FYB1: variants seen among roughly 807,000 people sequenced by gnomAD.
FYB1 encodes the protein FYN-binding protein 1.
A neutral mutation model predicts 94.1 loss-of-function variants in FYB1; 41 were observed. The observed-to-expected ratio is 0.44, with a 90% CI of 0.34 to 0.57. The LOEUF is 0.57. Among genes scored for constraint, FYB1 ranks in the 20% least tolerant of loss-of-function variants. The probability of loss-of-function intolerance (pLI) is 0.02; values close to 1 mark genes in which losing one functional copy is unlikely to be tolerated. For missense variants in FYB1, 1,050 were observed against 976.8 expected (o/e 1.07, Z -1.00); for synonymous variants, 367 against 353.2 (o/e 1.04, Z -0.44).
chr5:39,174,381 C>T (rs1039754961), intron 2 of FYB1, among the ~76,000 whole-genome samples: 4 of 151,994 alleles, frequency 2.6e-5, no homozygotes, highest in Non-Finnish European at 5.9e-5. Flanking sequence ...ACCATAAAAC[C>T]CTAGGACTGA....
In FYB1 at chr5:39,143,893, G is replaced by T. The variant is rs1390874577; in HGVS notation, c.1293-2752C>A. Among the ~76,000 whole-genome samples the T allele has an allele frequency of 2.0e-5, 3 of 152,152 alleles. No homozygotes were observed. The East Asian group carries it at 5.8e-4, about 29-fold the overall frequency. On this transcript the variant is annotated intron_variant, in intron 3 of 18. Transcript: ENST00000512982. ...TTATATATGCTTAGCTTTCTATTTG[G>T]GTAAGTGTAAAGGCCCTGTTAATTA...
rs10652993 is a variant in FYB1, at chr5:39,115,098, AT to A, written c.2401+3775del. 4.3e-3 allele frequency among the ~76,000 whole-genome samples: 616 copies of A among 144,212 alleles called. 3 individuals carry two copies. The highest frequency in any genetic ancestry group is 0.013 in the African/African-American group (526 of 39,044). The allele number at this position is 144,212 out of a possible 152,430, so 94.6% of individuals were successfully genotyped here. A position where few individuals can be genotyped will look rare whatever the true frequency, so the allele number is the denominator to read the frequency against. ...GTAGCATAGTAGGATGAAACACATA[AT>A]TTTTTTTTTTTTTTGAGATGGCGTC... is the stretch of plus-strand genomic sequence containing the variant. On this transcript the variant is annotated intron_variant, in intron 16 of 18. Transcript: ENST00000512982.
At chr5:39,126,571 C>A (rs978215883) in intron 11 of FYB1, among the ~76,000 whole-genome samples, 7 of 151,600 alleles carry the variant, frequency 4.6e-5, no homozygotes, top group Non-Finnish European at 1.0e-4. Context: ...GTGGTGCACA[C>A]CTGTGGTCCC....
intron 1 of FYB1, among the ~76,000 whole-genome samples, chr5:39,225,006 A>G (rs1750412011): frequency 6.6e-6 from 1 of 152,158 alleles, no homozygotes; most frequent in African/African-American, 2.4e-5. Flanking sequence ...GGGTTTTATT[A>G]GTGGACAAAA....
At chr5:39,186,225 A>G (rs1460890977) in intron 2 of FYB1, among the ~76,000 whole-genome samples, 1 of 152,224 alleles carries the variant, frequency 6.6e-6, no homozygotes, top group Non-Finnish European at 1.5e-5. Context: ...AGAGATCGAG[A>G]CCATCTTGGC....
chr5:39,220,614 T>C (rs1750202497), upstream of FYB1, among the ~76,000 whole-genome samples: 1 of 152,208 alleles, frequency 6.6e-6, no homozygotes, highest in Admixed American at 6.5e-5. Flanking sequence ...ACCTTCCTTC[T>C]ACTCATTCAT....
chr5:39,137,478 C>T, intron 7 of FYB1, 122 bp downstream of exon 7: 1 of 1,146,848 alleles, frequency 8.7e-7, no homozygotes, highest in Non-Finnish European at 1.2e-6. Context: ...AAGATAATTA[C>T]TCTTTAGAGA....
chr5:39,234,608 C>T (rs1750879069), intron 1 of FYB1, among the ~76,000 whole-genome samples: 1 of 152,056 alleles, frequency 6.6e-6, no homozygotes, highest in Non-Finnish European at 1.5e-5. Flanking sequence ...TTTATTGCAG[C>T]ACTATTTACA....
intron 2 of FYB1, among the ~76,000 whole-genome samples, chr5:39,162,497 C>T (rs939513956): frequency 2.0e-5 from 3 of 151,968 alleles, no homozygotes; most frequent in African/African-American, 7.3e-5. Context: ...CCATCCTGGC[C>T]AACATGGTGA....
chr5:39,273,948 A>G (rs138025185), intron 1 of FYB1, among the ~76,000 whole-genome samples: 1 of 151,634 alleles, frequency 6.6e-6, no homozygotes, highest in African/African-American at 2.4e-5. Flanking sequence ...TTTTTGAGAC[A>G]GAGTCTTGCT....
intron 1 of FYB1, among the ~76,000 whole-genome samples, chr5:39,256,939 C>G (rs1259515225): frequency 6.6e-6 from 1 of 152,172 alleles, no homozygotes; most frequent in Non-Finnish European, 1.5e-5. Flanking sequence ...ATGTCCATAC[C>G]TTGAAAAGTC....
chr5:39,191,788 A>G (rs1459416544), intron 2 of FYB1, among the ~76,000 whole-genome samples: 1 of 152,252 alleles, frequency 6.6e-6, no homozygotes, highest in Non-Finnish European at 1.5e-5. Context: ...CGCCATAAAT[A>G]TCATTATTGT....
intron 2 of FYB1, among the ~76,000 whole-genome samples, chr5:39,186,190 C>A (rs760192888): frequency 6.6e-6 from 1 of 152,110 alleles, no homozygotes; most frequent in African/African-American, 2.4e-5. Flanking sequence ...CTTTGGGAGG[C>A]GAAGGCGGGA....
chr5:39,224,007 T>C (rs1173704009), upstream of FYB1, among the ~76,000 whole-genome samples: 1 of 152,226 alleles, frequency 6.6e-6, no homozygotes, highest in Non-Finnish European at 1.5e-5. Context: ...TGTTCATGCC[T>C]ATCACTTGTC....
chr5:39,158,559 G>C (rs1414332773), intron 2 of FYB1, among the ~76,000 whole-genome samples: 1 of 152,190 alleles, frequency 6.6e-6, no homozygotes, highest in African/African-American at 2.4e-5. Flanking sequence ...AATGGAAATT[G>C]TATTACTTCA....
intron 2 of FYB1, among the ~76,000 whole-genome samples, chr5:39,195,823 C>T (rs1412960806): frequency 6.6e-5 from 10 of 152,210 alleles, no homozygotes; most frequent in Non-Finnish European, 1.5e-5. Context: ...TGGGAAGAAG[C>T]CCTTTCAGAA....
At chr5:39,234,194 A>C (rs924057573) in intron 1 of FYB1, among the ~76,000 whole-genome samples, 3 of 152,124 alleles carry the variant, frequency 2.0e-5, no homozygotes, top group Non-Finnish European at 4.4e-5. Context: ...GGAAACATAA[A>C]GAGTATGAGA....
At chr5:39,150,161 C>T (rs2657057) in intron 3 of FYB1, among the ~76,000 whole-genome samples, 5,233 of 152,126 alleles carry the variant, frequency 0.034, 292 homozygotes, top group African/African-American at 0.12. Context: ...GAGTCACCCA[C>T]GCTCACCAAA....
chr5:39,188,779 C>T (rs761501157), intron 2 of FYB1, among the ~76,000 whole-genome samples: 2 of 152,134 alleles, frequency 1.3e-5, no homozygotes, highest in South Asian at 2.1e-4. Flanking sequence ...GTAATCCGCC[C>T]GTCTCAGCCT....
Sources: gnomAD v4.1 joint callset for allele counts (sites outside exome capture counted in the v4.1 genomes callset) on GRCh38, gnomAD v4.1.1 for gene constraint, MANE v1.5 for transcripts, NCBI Gene and HGNC (gene_info 2026-07-23, HGNC 2026-07-21) for gene names.